The following ADAM9 variants were observed in gnomAD, a reference collection of about 807,000 sequenced individuals.
ADAM9 encodes the protein ADAM metallopeptidase domain 9.
ADAM9 carries 54 observed loss-of-function variants against 108.1 expected under a neutral mutation model. The ratio of observed to expected loss-of-function variants is 0.50; its 90% confidence interval spans 0.40 to 0.63. The LOEUF is 0.63. Ranked by LOEUF, ADAM9 falls within the 20% of genes least tolerant of loss-of-function variation. The pLI is 0.00. For missense variants in ADAM9, 830 were observed against 997.7 expected (o/e 0.83, Z 2.26); for synonymous variants, 316 against 336.0 (o/e 0.94, Z 0.65).
At chr8:39,080,886 A>G (rs1838999884) in intron 16 of ADAM9, among the ~76,000 whole-genome samples, 1 of 149,796 alleles carries the variant, frequency 6.7e-6, no homozygotes, top group Non-Finnish European at 1.5e-5. Flanking sequence ...GGTGGTGGCC[A>G]TGGGTGGTAG....
In ADAM9 at chr8:39,104,829, G is replaced by T; in HGVS notation, c.*1129G>T. ...AATGAATTTTTACTATGGCAGATAT[G>T]GTATGGATCGTAAAATTTTAAGCAC... On this transcript the variant is annotated 3_prime_UTR_variant, in exon 22 of 22. Coordinates refer to ENST00000487273, the MANE Select transcript of ADAM9 (RefSeq NM_003816.3). 2 of 452,146 alleles carry T rather than the reference G, an allele frequency of 4.4e-6. No individual in the cohort carries two copies. The highest frequency in any genetic ancestry group is 3.1e-5 in the South Asian group (2 of 63,668). The allele number at this position is 452,146 out of a possible 1,614,324, so 28.0% of individuals were successfully genotyped here.
At chr8:39,083,112 G>A in intron 18 of ADAM9, 39 bp downstream of exon 18, 1 of 1,541,366 alleles carries the variant, frequency 6.5e-7, no homozygotes, top group Non-Finnish European at 9.0e-7. Flanking sequence ...ATCTCCCAGT[G>A]GCCCAAGGCA....
rs550915189 is a variant in ADAM9, at chr8:39,031,589, C to T, written c.1130+4779C>T. Among the ~76,000 whole-genome samples the T allele has an allele frequency of 1.8e-4, 28 of 152,262 alleles. 1 individual carries two copies. Among genetic ancestry groups the T allele is most frequent in the Admixed American group, 3.3e-4 (5 of 15,302 alleles). On this transcript the variant is annotated intron_variant, in intron 11 of 21. Transcript: ENST00000487273. ...GTTTTTAGCTTCCTTGCGATGGGTT[C>T]GAATATCCTCCTTTAGCTTGGAGAA...
intron 9 of ADAM9, among the ~76,000 whole-genome samples, chr8:39,025,239 C>T (rs1024232888): frequency 1.1e-4 from 16 of 152,034 alleles, no homozygotes; most frequent in Admixed American, 9.8e-4. Context: ...TACAGATGTG[C>T]GCCACCATGG....
Position 39,103,614 on chromosome 8 carries a change from C to G in ADAM9, c.2374C>G (p.Pro792Ala), listed in dbSNP as rs1295134926. 5.6e-6 allele frequency: 9 copies of G among 1,614,078 alleles called. No individual in the cohort carries two copies. Among genetic ancestry groups the G allele is most frequent in the Non-Finnish European group, 7.6e-6 (9 of 1,179,974 alleles). ...TCTCTTTTCCCCTCGCAGGCCACCT[C>G]CACCACAACCGAAAGTATCATCTCA... is the stretch of plus-strand genomic sequence containing the variant. ...QPQQFPSRPP[P>A]PQPKVSSQGN... is the part of the protein sequence containing the mutation. Residue 792 changes from proline to alanine, a missense_variant, in exon 22 of 22, where the codon CCA (proline) becomes GCA (alanine). Coordinates refer to ENST00000487273, the MANE Select transcript of ADAM9 (RefSeq NM_003816.3).
chr8:39,045,298 C>CA (rs1837669345), intron 12 of ADAM9, among the ~76,000 whole-genome samples: 2 of 101,006 alleles, frequency 2.0e-5, no homozygotes, highest in African/African-American at 8.5e-5. Flanking sequence ...GTGTGTACAC[C>CA]TATACATGTG....
Position 39,042,085 on chromosome 8 carries a change from G to T in ADAM9, c.1270G>T (p.Ala424Ser), listed in dbSNP as rs181165713. The T allele has an allele frequency of 1.9e-6, 3 of 1,613,942 alleles. No homozygotes were observed. The highest frequency in any genetic ancestry group is 2.5e-6 in the Non-Finnish European group (3 of 1,179,916). The change falls in exon 12 of 22, where the codon GCT becomes TCT. Residue 424 changes from alanine to serine, a missense_variant. By Grantham distance (99) the Ala-to-Ser change is moderately conservative. This residue lies in a region of ADAM9 where 381 missense variants were observed against 539.8 expected (regional missense o/e 0.71). Coordinates refer to ENST00000487273, the MANE Select transcript of ADAM9 (RefSeq NM_003816.3). ...APSCGNKLVD[A>S]GEECDCGTPK... ...CTCCTGTGGTAATAAGTTGGTGGAC[G>T]CTGGGGAAGAGTGTGACTGTGGTAC...
intron 3 of ADAM9, 118 bp downstream of exon 3, chr8:39,011,834 T>C (rs893772038): frequency 1.4e-5 from 14 of 977,326 alleles, no homozygotes; most frequent in Non-Finnish European, 2.3e-5. Flanking sequence ...CAGATTTAGC[T>C]CTTCATATTG....
chr8:39,011,710 G>A lies in ADAM9; in HGVS notation c.248G>A (p.Arg83Lys). The change falls in exon 3 of 22, where the codon AGG (arginine) becomes AAG (lysine). Residue 83 changes from arginine to lysine, a missense_variant. Transcript: ENST00000487273. ...AAAGAGCATATTATTCACTTGGAAA[G>A]GAACAAGTAAGACATTTAATTTATT... is the stretch of plus-strand genomic sequence containing the variant. ...EGKEHIIHLE[R>K]NKDLLPEDFV... 1 of 1,609,596 alleles carries A rather than the reference G, an allele frequency of 6.2e-7. No homozygotes were observed. The highest frequency in any genetic ancestry group is 8.5e-7 in the Non-Finnish European group (1 of 1,175,954).
rs531552007 is a variant in ADAM9, at chr8:39,027,550, A to G, written c.1130+740A>G. ...ACTGGGATTCAAAGTCAGGAAGTCAAAGCCTGTGATCTGAGAACCCTTTCC... is the reference window on the plus strand; with the variant it reads ...ACTGGGATTCAAAGTCAGGAAGTCAGAGCCTGTGATCTGAGAACCCTTTCC... On this transcript the variant is annotated intron_variant, in intron 11 of 21. Transcript: ENST00000487273. 2.6e-5 allele frequency among the ~76,000 whole-genome samples: 4 copies of G among 152,340 alleles called. No individual in the cohort carries two copies. In the South Asian group the frequency reaches 8.3e-4, roughly 32 times the overall value.
At chr8:39,091,763 A>G (rs999343029) in intron 20 of ADAM9, among the ~76,000 whole-genome samples, 1 of 152,206 alleles carries the variant, frequency 6.6e-6, no homozygotes, top group Non-Finnish European at 1.5e-5. Flanking sequence ...CTGGGATTAC[A>G]GGTATGAGCC....
At chr8:39,014,218 ACCTTACAGCTCTCC>A in intron 4 of ADAM9, 175 bp downstream of exon 4, 2 of 623,322 alleles carry the variant, frequency 3.2e-6, no homozygotes, top group Non-Finnish European at 5.7e-6. Context: ...ACTAAGCTGT[ACCTTACAGCTCTCC>A]AGGTACTCAG....
At chr8:39,061,871 G>T (rs1335124820) in intron 14 of ADAM9, among the ~76,000 whole-genome samples, 1 of 152,124 alleles carries the variant, frequency 6.6e-6, no homozygotes, top group Non-Finnish European at 1.5e-5. Flanking sequence ...AGAGGGGACA[G>T]ACATTTAAAC....
At chr8:39,084,816 A>G (rs903033002) in intron 18 of ADAM9, among the ~76,000 whole-genome samples, 1 of 152,022 alleles carries the variant, frequency 6.6e-6, no homozygotes, top group Admixed American at 6.5e-5. Flanking sequence ...ATAACTGCCA[A>G]TTTGCCTATT....
chr8:39,061,290 G>GC (rs1322815623), intron 14 of ADAM9, among the ~76,000 whole-genome samples: 3 of 152,336 alleles, frequency 2.0e-5, no homozygotes. Flanking sequence ...AATTCTGCCA[G>GC]CTGTTGAGTG....
intron 15 of ADAM9, 53 bp from the exon 16 acceptor site, chr8:39,077,175 T>C (rs574000761): frequency 1.9e-6 from 3 of 1,594,492 alleles, no homozygotes; most frequent in East Asian, 2.2e-5. Flanking sequence ...ATTTTTTCTT[T>C]TGTTATGTAT....
chr8:39,103,485 T>C, intron 21 of ADAM9, 122 bp from the exon 22 acceptor site: 1 of 951,058 alleles, frequency 1.1e-6, no homozygotes, highest in Non-Finnish European at 1.7e-6. Context: ...GATCTCAGAA[T>C]GTACAGTACC....
chr8:39,073,976 G>A (rs1838776958), intron 15 of ADAM9, among the ~76,000 whole-genome samples: 1 of 152,070 alleles, frequency 6.6e-6, no homozygotes, highest in African/African-American at 2.4e-5. Flanking sequence ...TCATTTTTCT[G>A]TTCTGTAAAA....
chr8:39,026,204 T>C (rs551086354), intron 10 of ADAM9, among the ~76,000 whole-genome samples: 3 of 152,208 alleles, frequency 2.0e-5, no homozygotes, highest in African/African-American at 7.2e-5. Flanking sequence ...GTCATCTAGG[T>C]TTTAAGCCCC....
Sources: gnomAD v4.1 joint callset for allele counts (sites outside exome capture counted in the v4.1 genomes callset) on GRCh38, gnomAD v4.1.1 for gene constraint, gnomAD v4.1.1 regional missense constraint, MANE v1.5 for transcripts, NCBI Gene and HGNC (gene_info 2026-07-23, HGNC 2026-07-21) for gene names.